SASH1: variants seen among roughly 807,000 people sequenced by gnomAD.
SASH1 encodes SAM and SH3 domain-containing protein 1.
SASH1 carries 44 observed loss-of-function variants against 125.2 expected under a neutral mutation model. The observed-to-expected ratio is 0.35, with a 90% CI of 0.28 to 0.45. The LOEUF (loss-of-function observed/expected upper bound fraction) is 0.45. SASH1 is among the 20% of genes least tolerant of loss of function. The pLI is 1.00. For synonymous variants in SASH1, 639 were observed against 649.1 expected, an observed-to-expected ratio of 0.98 and a Z score of 0.24; for missense variants, 1,426 against 1,614.5, an observed-to-expected ratio of 0.88 and a Z score of 2.00.
chr6:148,291,800 A>G (rs967161033), intron 1 of SASH1, among the ~76,000 whole-genome samples: 1 of 152,206 alleles, frequency 6.6e-6, no homozygotes, highest in Admixed American at 6.5e-5. Flanking sequence ...TAAGAAAGCC[A>G]TAACTTGGGG....
intron 1 of SASH1, among the ~76,000 whole-genome samples, chr6:148,320,556 C>A (rs77515982): frequency 0.094 from 14,270 of 152,246 alleles, 752 homozygotes; most frequent in African/African-American, 0.13. Context: ...CCAAAGAGGA[C>A]ATTAGGAAGA....
chr6:148,427,962 C>T (rs1424387443), intron 2 of SASH1, among the ~76,000 whole-genome samples: 2 of 152,210 alleles, frequency 1.3e-5, no homozygotes, highest in East Asian at 3.8e-4. Flanking sequence ...CAGGAATTTT[C>T]CATGTGGTAT....
At chr6:148,481,203 C>T (rs746850186) in intron 7 of SASH1, among the ~76,000 whole-genome samples, 5 of 152,082 alleles carry the variant, frequency 3.3e-5, no homozygotes, top group African/African-American at 7.2e-5. Flanking sequence ...TAATATAAGA[C>T]GCACCTCCTT....
rs187702516 is a variant in SASH1 at position 148,407,051 on chromosome 6, A to T, written c.285+16789A>T. Among the ~76,000 whole-genome samples the T allele has an allele frequency of 4.1e-3, 621 of 152,244 alleles. 1 individual carries two copies. Among genetic ancestry groups the T allele is most frequent in the South Asian group, 7.1e-3 (34 of 4,822 alleles). Reference sequence around the variant, plus strand: ...TTATCTTGTATTATTTTAGTTTTTTAAAAAAAATTATTTTAAAAAATTATA... The same window carrying T: ...TTATCTTGTATTATTTTAGTTTTTTTAAAAAAATTATTTTAAAAAATTATA... On this transcript the variant is annotated intron_variant, in intron 2 of 19. Coordinates refer to ENST00000367467, the MANE Select transcript of SASH1 (RefSeq NM_015278.5).
chr6:148,546,842 T>G (rs956266047), intron 19 of SASH1, among the ~76,000 whole-genome samples: 3 of 152,094 alleles, frequency 2.0e-5, no homozygotes, highest in Non-Finnish European at 4.4e-5. Context: ...CGAAACCTGA[T>G]TGTTGGCTAT....
chr6:148,447,840 G>A (rs1023214511), intron 4 of SASH1, among the ~76,000 whole-genome samples: 13 of 152,008 alleles, frequency 8.6e-5, no homozygotes, highest in African/African-American at 2.7e-4. Context: ...AGCAAAAGCC[G>A]CTGCAGTTTC....
intron 1 of SASH1, among the ~76,000 whole-genome samples, chr6:148,294,386 C>G (rs1779710804): frequency 6.6e-6 from 1 of 152,162 alleles, no homozygotes; most frequent in Non-Finnish European, 1.5e-5. Flanking sequence ...CTTACGAGCT[C>G]TGAGACTCTG....
chr6:148,471,604 A>C, intron 6 of SASH1, 101 bp downstream of exon 6: 4 of 724,284 alleles, frequency 5.5e-6, no homozygotes, highest in African/African-American at 1.8e-5. Context: ...AGCGTAACTC[A>C]CCGCATGTGC....
chr6:148,289,213 G>T (rs1779561754), intron 1 of SASH1, among the ~76,000 whole-genome samples: 1 of 152,102 alleles, frequency 6.6e-6, no homozygotes, highest in African/African-American at 2.4e-5. Flanking sequence ...TCCCAGCCCA[G>T]GTCACCTCAC....
chr6:148,428,808 C>T (rs560590632), intron 2 of SASH1, among the ~76,000 whole-genome samples: 22 of 152,176 alleles, frequency 1.4e-4, no homozygotes, highest in Non-Finnish European at 2.5e-4. Context: ...GAATAGAATT[C>T]TTCAGCTGTG....
At chr6:148,523,858 G>A (rs1780962524) in intron 10 of SASH1, among the ~76,000 whole-genome samples, 1 of 152,106 alleles carries the variant, frequency 6.6e-6, no homozygotes, top group Non-Finnish European at 1.5e-5. Context: ...GAAAAGTAGT[G>A]GAAGAAACCA....
intron 1 of SASH1, among the ~76,000 whole-genome samples, chr6:148,383,973 G>A (rs986837824): frequency 6.6e-6 from 1 of 152,086 alleles, no homozygotes; most frequent in Admixed American, 6.5e-5. Context: ...TGTGGCTTTG[G>A]GGGAAGATTA....
chr6:148,490,186 T>G (rs1023145041), intron 8 of SASH1, among the ~76,000 whole-genome samples: 1 of 151,860 alleles, frequency 6.6e-6, no homozygotes, highest in African/African-American at 2.4e-5. Context: ...ATAGGGATGA[T>G]AGGAATGAAG....
chr6:148,286,035 T>C (rs1024686376), intron 1 of SASH1, among the ~76,000 whole-genome samples: 2 of 152,068 alleles, frequency 1.3e-5, no homozygotes, highest in African/African-American at 4.8e-5. Flanking sequence ...AAATTATGAT[T>C]CTCCTCTAAA....
intron 4 of SASH1, among the ~76,000 whole-genome samples, chr6:148,442,538 C>T (rs1406545834): frequency 2.6e-5 from 4 of 152,026 alleles, no homozygotes; most frequent in African/African-American, 9.7e-5. Flanking sequence ...CTCTCTCTCA[C>T]ACACCCCCTG....
intron 1 of SASH1, among the ~76,000 whole-genome samples, chr6:148,369,137 C>G (rs897412508): frequency 6.6e-6 from 1 of 152,168 alleles, no homozygotes; most frequent in African/African-American, 2.4e-5. Context: ...AGTGAAACAA[C>G]TAGAAATCAT....
At chr6:148,206,438 T>G in the SASH1 span, among the ~76,000 whole-genome samples, 1 of 152,160 alleles carries the variant, frequency 6.6e-6, no homozygotes, top group Admixed American at 6.5e-5. Flanking sequence ...ATTTAAGAAA[T>G]GTAATGTCAC....
chr6:148,329,650 C>G (rs1032973453), intron 1 of SASH1, among the ~76,000 whole-genome samples: 2 of 152,030 alleles, frequency 1.3e-5, no homozygotes, highest in African/African-American at 4.8e-5. Flanking sequence ...GTGTGTGTGT[C>G]TGTGCATCCG....
chr6:148,343,596 T>C (rs1781417667), intron 1 of SASH1, among the ~76,000 whole-genome samples: 2 of 152,240 alleles, frequency 1.3e-5, no homozygotes, highest in African/African-American at 4.8e-5. Context: ...GTTTATCTCT[T>C]CACCATTTGT....
Sources: gnomAD v4.1 joint callset for allele counts (sites outside exome capture counted in the v4.1 genomes callset) on GRCh38, gnomAD v4.1.1 for gene constraint, MANE v1.5 for transcripts, NCBI Gene and HGNC (gene_info 2026-07-23, HGNC 2026-07-21) for gene names.